LRRIQ3: variants seen among roughly 807,000 people sequenced by gnomAD.
The protein encoded by LRRIQ3 is leucine rich repeats and IQ motif containing 3, also known as leucine-rich repeat and IQ domain-containing protein 3.
In LRRIQ3, 75 loss-of-function variants were observed where a neutral mutation model predicts 59.3. That is an observed-to-expected ratio of 1.26 (90% confidence interval 1.05 to 1.53). LRRIQ3 has a LOEUF of 1.53. LRRIQ3 is among the 40% of genes most tolerant of loss of function. The pLI is 0.00. For synonymous variants in LRRIQ3, 250 were observed against 231.3 expected (o/e 1.08, Z -0.73); for missense variants, 831 against 710.0 (o/e 1.17, Z -1.94).
rs57047366 is a variant in LRRIQ3 at position 74,060,946 on chromosome 1, G to A, written c.997+13715C>T. 5.4e-3 allele frequency among the ~76,000 whole-genome samples: 816 copies of A among 152,186 alleles called. 7 individuals are homozygous for A. Among genetic ancestry groups the A allele is most frequent in the African/African-American group, 0.019 (785 of 41,536 alleles). On this transcript the variant is annotated intron_variant, in intron 6 of 7. Transcript: ENST00000354431. ...AAGGAGTGAGTTTAGCAGGCAAGAAGCGTCCCACTCTCACCACAGACCTCT... is the reference window on the plus strand; with the variant it reads ...AAGGAGTGAGTTTAGCAGGCAAGAAACGTCCCACTCTCACCACAGACCTCT...
intron 3 of LRRIQ3, among the ~76,000 whole-genome samples, chr1:74,168,447 A>G (rs985050707): frequency 1.3e-5 from 2 of 151,942 alleles, no homozygotes; most frequent in Admixed American, 1.3e-4. Flanking sequence ...TTTTTCCATC[A>G]TTTTATTTTC....
At chr1:74,180,904 CT>C in intron 3 of LRRIQ3, 1 of 968,510 alleles carries the variant, frequency 1.0e-6, no homozygotes, top group Non-Finnish European at 1.5e-6. Flanking sequence ...GTGTTAATGC[CT>C]TACTTTCTTT....
chr1:74,032,780 T>C (rs1385491102), intron 7 of LRRIQ3, among the ~76,000 whole-genome samples: 1 of 151,976 alleles, frequency 6.6e-6, no homozygotes, highest in Non-Finnish European at 1.5e-5. Flanking sequence ...AAGGAGGGCA[T>C]GGTATCTATC....
At chr1:74,179,849 A>G (rs1402509186) in intron 3 of LRRIQ3, 1 of 151,988 alleles carries the variant, frequency 6.6e-6, no homozygotes, top group African/African-American at 2.4e-5. Flanking sequence ...CCGTCCATTC[A>G]TACTTCTTCA....
At chr1:74,180,633 T>C in intron 3 of LRRIQ3, 1 of 1,311,638 alleles carries the variant, frequency 7.6e-7, no homozygotes, top group Non-Finnish European at 1.0e-6. Context: ...ACACTCAGTG[T>C]GAAAAGTACA....
chr1:74,038,382 C>T (rs1653938352), intron 7 of LRRIQ3, among the ~76,000 whole-genome samples: 3 of 152,174 alleles, frequency 2.0e-5, no homozygotes, highest in Non-Finnish European at 4.4e-5. Flanking sequence ...ACCTTTCCTC[C>T]TGCTAGTTCT....
intron 3 of LRRIQ3, among the ~76,000 whole-genome samples, chr1:74,171,361 G>T (rs529451151): frequency 1.3e-5 from 2 of 152,096 alleles, no homozygotes; most frequent in African/African-American, 2.4e-5. Flanking sequence ...CATAAAAGGT[G>T]TTGAATTTTT....
rs1408530136 is a variant in LRRIQ3 at position 74,179,053 on chromosome 1, AT to A, written c.573+3484del. ...CTTTCTGTAACATGATGAAAATAAA[AT>A]CCTTGTTTAGATGGATTTCTATTAC... is the stretch of plus-strand genomic sequence containing the variant. On this transcript the variant is annotated intron_variant, in intron 3 of 7. Coordinates refer to ENST00000354431, the MANE Select transcript of LRRIQ3 (RefSeq NM_001105659.2). Among the ~76,000 whole-genome samples, 4 of 152,208 alleles carry A rather than the reference AT, an allele frequency of 2.6e-5. No homozygotes were observed. In the East Asian group the frequency reaches 7.7e-4, roughly 29 times the overall value.
intron 6 of LRRIQ3, among the ~76,000 whole-genome samples, chr1:74,060,129 T>C (rs1281324244): frequency 1.3e-5 from 2 of 152,108 alleles, no homozygotes; most frequent in Non-Finnish European, 2.9e-5. Flanking sequence ...CCCTGTTTCA[T>C]TTCTGATTCT....
rs1020672358 is a variant in LRRIQ3, at chr1:74,078,496, T to A, written c.868-3706A>T. On this transcript the variant is annotated intron_variant, in intron 5 of 7. Transcript: ENST00000354431. Reference sequence around the variant, plus strand: ...GGCAACATACGCTTAATCACTGGGATACTTGGTGGTGATTTTAAAACATGC... The same window carrying A: ...GGCAACATACGCTTAATCACTGGGAAACTTGGTGGTGATTTTAAAACATGC... Among the ~76,000 whole-genome samples the A allele has an allele frequency of 2.6e-5, 4 of 151,910 alleles. No homozygotes were observed. The South Asian group carries it at 8.3e-4, about 31-fold the overall frequency.
chr1:74,059,685 C>T (rs946854559), intron 6 of LRRIQ3, among the ~76,000 whole-genome samples: 2 of 151,910 alleles, frequency 1.3e-5, no homozygotes, highest in African/African-American at 4.8e-5. Context: ...TTGGAAATCC[C>T]CTACATTCTA....
intron 6 of LRRIQ3, among the ~76,000 whole-genome samples, chr1:74,061,257 A>G (rs1374189240): frequency 6.6e-6 from 1 of 152,152 alleles, no homozygotes; most frequent in African/African-American, 2.4e-5. Context: ...TGAGAATTAT[A>G]AAACACTGCT....
At chr1:74,048,806 C>T (rs1355829539) in intron 6 of LRRIQ3, among the ~76,000 whole-genome samples, 1 of 152,022 alleles carries the variant, frequency 6.6e-6, no homozygotes. Context: ...ACAGTGTATA[C>T]ATAAAATTGA....
At chr1:74,128,250 T>C (rs1331271756) in intron 4 of LRRIQ3, among the ~76,000 whole-genome samples, 1 of 152,074 alleles carries the variant, frequency 6.6e-6, no homozygotes, top group Non-Finnish European at 1.5e-5. Context: ...ACTTAGATAT[T>C]GACATCTTTC....
At position 74,074,788 on chromosome 1, in the gene LRRIQ3, A is replaced by G; in HGVS notation, c.870T>C (p.Asn290=). The G allele has an allele frequency of 7.7e-7, 1 of 1,304,192 alleles. No individual in the cohort carries two copies. The highest frequency in any genetic ancestry group is 1.5e-5 in the African/African-American group (1 of 65,246). 80.8% of individuals were successfully genotyped at this position (1,304,192 alleles called of 1,614,324 possible). ...IKGKLAYWKH[N]IYYPVDLKNS... is the part of the protein sequence containing the mutation. ...TTTTTAAATCAACAGGATAATATATATTCTGTGAAAATAAAATAAAAGCAA... is the reference window on the plus strand; with the variant it reads ...TTTTTAAATCAACAGGATAATATATGTTCTGTGAAAATAAAATAAAAGCAA... Residue 290 remains asparagine (N), a splice_region_variant and synonymous_variant, in exon 6 of 8, where the codon AAT becomes AAC. Coordinates refer to ENST00000354431, the MANE Select transcript of LRRIQ3 (RefSeq NM_001105659.2).
intron 5 of LRRIQ3, among the ~76,000 whole-genome samples, chr1:74,100,473 C>T (rs1256455847): frequency 6.6e-6 from 1 of 152,086 alleles, no homozygotes; most frequent in Admixed American, 6.6e-5. Flanking sequence ...ATGAAAATGG[C>T]CATATTGCCC....
At chr1:74,168,323 A>G (rs1307970872) in intron 3 of LRRIQ3, among the ~76,000 whole-genome samples, 1 of 152,022 alleles carries the variant, frequency 6.6e-6, no homozygotes, top group Non-Finnish European at 1.5e-5. Flanking sequence ...AACTTTTATC[A>G]TGATATAACA....
At chr1:74,125,145 T>C (rs1646917162) in intron 4 of LRRIQ3, among the ~76,000 whole-genome samples, 1 of 151,974 alleles carries the variant, frequency 6.6e-6, no homozygotes, top group African/African-American at 2.4e-5. Context: ...TTTCTTGATT[T>C]ATTTTTCAGA....
At chr1:74,162,750 ATC>A (rs1648735916) in intron 3 of LRRIQ3, among the ~76,000 whole-genome samples, 1 of 151,714 alleles carries the variant, frequency 6.6e-6, no homozygotes, top group African/African-American at 2.4e-5. Flanking sequence ...CATAAAGTTT[ATC>A]TTTTTCTATT....
Sources: allele counts gnomAD v4.1 joint callset (sites outside exome capture counted in the v4.1 genomes callset), GRCh38; gene constraint gnomAD v4.1.1; transcripts MANE v1.5; gene names NCBI Gene and HGNC (gene_info 2026-07-23, HGNC 2026-07-21).